MEIS2: variants seen among roughly 807,000 people sequenced by gnomAD.
The protein encoded by MEIS2 is homeobox protein Meis2.
In MEIS2, 9 loss-of-function variants were observed where a neutral mutation model predicts 58.6. The observed-to-expected ratio is 0.15, with a 90% CI of 0.09 to 0.27. The LOEUF (loss-of-function observed/expected upper bound fraction) is 0.27. Ranked by LOEUF, MEIS2 falls within the 10% of genes least tolerant of loss-of-function variation. The pLI, the probability that MEIS2 is intolerant of heterozygous loss-of-function variation, is 1.00. For synonymous variants in MEIS2, 221 were observed against 228.4 expected, an observed-to-expected ratio of 0.97 and a Z score of 0.29; for missense variants, 427 against 635.0, an observed-to-expected ratio of 0.67 and a Z score of 3.52.
intron 8 of MEIS2, among the ~76,000 whole-genome samples, chr15:36,976,485 A>C (rs2059764939): frequency 6.7e-6 from 1 of 148,386 alleles, no homozygotes; most frequent in African/African-American, 2.4e-5. Flanking sequence ...ATATTATATT[A>C]TTATATGTAT....
intron 9 of MEIS2, among the ~76,000 whole-genome samples, chr15:36,945,224 T>C (rs1282906127): frequency 3.9e-5 from 6 of 151,966 alleles, no homozygotes; most frequent in Admixed American, 1.3e-4. Context: ...AGAACACTAT[T>C]ATTGCCCTTC....
chr15:36,946,978 G>A (rs1390807497), intron 9 of MEIS2, among the ~76,000 whole-genome samples: 1 of 152,102 alleles, frequency 6.6e-6, no homozygotes, highest in East Asian at 1.9e-4. Flanking sequence ...GAGGATATTT[G>A]GTTCGTTGCT....
At chr15:36,926,802 T>A (rs548861561) in intron 9 of MEIS2, among the ~76,000 whole-genome samples, 6 of 152,344 alleles carry the variant, frequency 3.9e-5, no homozygotes, top group African/African-American at 1.2e-4. Flanking sequence ...TGCATTCATT[T>A]AAACACATTG....
intron 9 of MEIS2, among the ~76,000 whole-genome samples, chr15:36,899,672 A>G (rs2056368845): frequency 1.3e-5 from 2 of 152,200 alleles, no homozygotes; most frequent in Non-Finnish European, 2.9e-5. Context: ...ACTCATCTTC[A>G]GTCTTTCAAG....
intron 9 of MEIS2, among the ~76,000 whole-genome samples, chr15:36,903,356 C>G (rs913175751): frequency 2.6e-5 from 4 of 152,194 alleles, no homozygotes; most frequent in African/African-American, 9.6e-5. Context: ...CTATTCACAT[C>G]TAGGATCTAT....
rs557671468 is a variant in MEIS2 at position 36,957,390 on chromosome 15, TA to T, written c.901-6991del. Among the ~76,000 whole-genome samples the T allele has an allele frequency of 2.0e-5, 3 of 152,352 alleles. No homozygotes were observed. In the South Asian group the frequency reaches 6.2e-4, roughly 32 times the overall value. On this transcript the variant is annotated intron_variant, in intron 8 of 11. Coordinates refer to ENST00000561208, the MANE Select transcript of MEIS2 (RefSeq NM_170675.5). Reference sequence around the variant, plus strand: ...TGCAATCATCTGGCTAATTTAGGGTTATTTGAATTCAGTAAAATTCCCTTAC... The same window carrying T: ...TGCAATCATCTGGCTAATTTAGGGTTTTTGAATTCAGTAAAATTCCCTTAC...
intron 9 of MEIS2, among the ~76,000 whole-genome samples, chr15:36,930,842 A>G (rs1200418122): frequency 6.6e-6 from 1 of 152,226 alleles, no homozygotes; most frequent in African/African-American, 2.4e-5. Flanking sequence ...AGCAGGTGAA[A>G]TACAAAAGTG....
chr15:37,082,960 G>C (rs1390804078), intron 7 of MEIS2, among the ~76,000 whole-genome samples: 2 of 151,834 alleles, frequency 1.3e-5, no homozygotes, highest in East Asian at 3.9e-4. Context: ...AATAGACCTA[G>C]GAGATCAGAC....
intron 8 of MEIS2, among the ~76,000 whole-genome samples, chr15:36,982,721 A>G (rs1180715987): frequency 6.6e-6 from 1 of 152,080 alleles, no homozygotes; most frequent in Non-Finnish European, 1.5e-5. Flanking sequence ...TTTCTGAGGA[A>G]CCTTCATACT....
chr15:37,037,150 T>C (rs2062190284), intron 7 of MEIS2, among the ~76,000 whole-genome samples, 191 bp from the exon 8 acceptor site: 1 of 152,224 alleles, frequency 6.6e-6, no homozygotes, highest in African/African-American at 2.4e-5. Context: ...CAAATGTTAA[T>C]TTTGTGTGTC....
At position 36,917,586 on chromosome 15, in the gene MEIS2, G is replaced by A. The variant is rs944614262; in HGVS notation, c.978-20900C>T. 2.0e-5 allele frequency among the ~76,000 whole-genome samples: 3 copies of A among 152,166 alleles called. No individual in the cohort carries two copies. In the East Asian group the frequency reaches 5.8e-4, roughly 29 times the overall value. On this transcript the variant is annotated intron_variant, in intron 9 of 11. Transcript: ENST00000561208. ...CTGTCCATCAGGATCCTTAAATGCA[G>A]ACTGTAACTGTCCTAAAAATTCCGA...
intron 1 of MEIS2, chr15:37,099,229 A>G: frequency 7.0e-7 from 1 of 1,433,090 alleles, no homozygotes; most frequent in Non-Finnish European, 9.1e-7. Flanking sequence ...ACAGCGCTGG[A>G]ACACGCGCGC....
chr15:37,002,746 A>G (rs141617410), intron 8 of MEIS2, among the ~76,000 whole-genome samples: 2 of 152,088 alleles, frequency 1.3e-5, no homozygotes, highest in African/African-American at 4.8e-5. Context: ...TCTTACATTT[A>G]CTTTCATTTA....
At chr15:37,076,281 G>A (rs557397166) in intron 7 of MEIS2, among the ~76,000 whole-genome samples, 24 of 151,972 alleles carry the variant, frequency 1.6e-4, no homozygotes, top group African/African-American at 2.7e-4. Flanking sequence ...ATAACATGGC[G>A]TCATCACAGA....
chr15:36,895,036 G>T, intron 11 of MEIS2, 115 bp downstream of exon 11: 2 of 976,700 alleles, frequency 2.0e-6, no homozygotes, highest in Non-Finnish European at 3.1e-6. Context: ...AGGCAGAGCA[G>T]GCAGCAGGCA....
Position 36,892,549 on chromosome 15 carries a change from A to C in MEIS2, c.1148-90T>G, listed in dbSNP as rs575587809. 527 of 1,207,002 alleles carry C rather than the reference A, an allele frequency of 4.4e-4. No individual in the cohort carries two copies. The East Asian group carries it at 7.5e-3, about 17-fold the overall frequency. 74.8% of individuals were successfully genotyped at this position (1,207,002 alleles called of 1,614,324 possible). On this transcript the variant is annotated intron_variant, in intron 11 of 11. Coordinates refer to ENST00000561208, the MANE Select transcript of MEIS2 (RefSeq NM_170675.5). ...AAAGATGAAAAGAAAAAAAAAAAAA[A>C]AACAACAGACACTGCAAATCTTATA...
chr15:36,947,478 C>T (rs1595784247), intron 9 of MEIS2, among the ~76,000 whole-genome samples: 1 of 151,954 alleles, frequency 6.6e-6, no homozygotes, highest in Non-Finnish European at 1.5e-5. Flanking sequence ...CATGTTCCAT[C>T]GCTTGTTACT....
chr15:36,980,781 TC>T, intron 8 of MEIS2, among the ~76,000 whole-genome samples: 1 of 152,320 alleles, frequency 6.6e-6, no homozygotes, highest in East Asian at 1.9e-4. Context: ...ATTTGAAATG[TC>T]ATCTTTATTT....
chr15:36,925,226 C>T (rs1290581190), intron 9 of MEIS2, among the ~76,000 whole-genome samples: 1 of 152,218 alleles, frequency 6.6e-6, no homozygotes, highest in Non-Finnish European at 1.5e-5. Flanking sequence ...ATGATGAGCT[C>T]AATTCCAGCC....
Sources: allele counts gnomAD v4.1 joint callset (sites outside exome capture counted in the v4.1 genomes callset), GRCh38; gene constraint gnomAD v4.1.1; transcripts MANE v1.5; gene names NCBI Gene and HGNC (gene_info 2026-07-23, HGNC 2026-07-21).